The following IL1A variants were observed in gnomAD, a reference collection of about 807,000 sequenced individuals.
IL1A encodes interleukin-1 alpha.
A neutral mutation model predicts 22.2 loss-of-function variants in IL1A; 16 were observed. The ratio of observed to expected loss-of-function variants is 0.72; its 90% confidence interval spans 0.49 to 1.09. The LOEUF (loss-of-function observed/expected upper bound fraction) is 1.09. Among genes scored for constraint, IL1A ranks in the 50% least tolerant of loss-of-function variants. The pLI is 0.00. For missense variants in IL1A, 317 were observed against 321.8 expected (o/e 0.99, Z 0.11); for synonymous variants, 113 against 118.5 (o/e 0.95, Z 0.30).
intron 1 of IL1A, 128 bp from the exon 2 acceptor site, chr2:112,783,906 C>T: frequency 2.5e-6 from 2 of 791,450 alleles, no homozygotes; most frequent in African/African-American, 1.7e-5. Context: ...TCAGCATTTT[C>T]TCCATCTTCT....
In IL1A at chr2:112,781,820, A is replaced by AGAG; in HGVS notation, c.102_103insCTC (p.Ser34_Phe35insLeu). 1 of 1,612,376 alleles carries AGAG rather than the reference A, an allele frequency of 6.2e-7. No homozygotes were observed. Among genetic ancestry groups the AGAG allele is most frequent in the African/African-American group, 1.3e-5 (1 of 75,020 alleles). ...AGTGGGCCATAGCTTACATGATAGA[A>AGAG]GGATTTCTGTGAGGAAGGAAAACAG... On this transcript the variant is annotated inframe_insertion, in exon 4 of 7. Coordinates refer to ENST00000263339, the MANE Select transcript of IL1A (RefSeq NM_000575.5).
At chr2:112,778,193 GGTGTGTGTGTGTGTGTGTGTGT>G (rs3074430) in intron 5 of IL1A, 82 bp from the exon 6 acceptor site, 4 of 662,650 alleles carry the variant, frequency 6.0e-6, no homozygotes, top group African/African-American at 5.9e-5. Context: ...GTGTGTGCAT[GGTGTGTGTGTGTGTGTGTGTGT>G]GTGTGTGTGT....
rs1361292976 is a variant in IL1A at position 112,777,997 on chromosome 2, A to G, written c.605T>C (p.Val202Ala). The change falls in exon 6 of 7, where the codon GTG becomes GCG. Residue 202 changes from valine (V) to alanine (A), a missense_variant. Transcript: ENST00000263339. ...YVTAQDEDQP[V>A]LLKEMPEIPK... ...CAAAGGACAACTGACCTTCAGCAGC[A>G]CTGGTTGGTCTTCATCTTGGGCAGT... 3.7e-6 allele frequency: 6 copies of G among 1,614,078 alleles called. No individual in the cohort carries two copies. In the African/African-American group the frequency reaches 8.0e-5, roughly 22 times the overall value.
In IL1A at chr2:112,783,794, C is replaced by A. The variant is rs747007652; in HGVS notation, c.-8-16G>T. The A allele has an allele frequency of 7.6e-5, 122 of 1,612,598 alleles. No homozygotes were observed. The highest frequency in any genetic ancestry group is 9.8e-5 in the Non-Finnish European group (116 of 1,178,680). ...ATCTTGACTTCTGCAACAGAGAACACCAGCCACCATCAGCTCAGCCAGCCT... is the reference window on the plus strand; with the variant it reads ...ATCTTGACTTCTGCAACAGAGAACAACAGCCACCATCAGCTCAGCCAGCCT... On this transcript the variant is annotated splice_polypyrimidine_tract_variant and intron_variant, in intron 1 of 6. Coordinates refer to ENST00000263339, the MANE Select transcript of IL1A (RefSeq NM_000575.5).
chr2:112,776,492 A>G (rs1573250933), intron 6 of IL1A, among the ~76,000 whole-genome samples: 1 of 80,728 alleles, frequency 1.2e-5, no homozygotes, highest in Non-Finnish European at 2.5e-5. Context: ...ACCCACAACC[A>G]CGACCCGCCC....
rs20540 is a variant in IL1A at position 112,781,647 on chromosome 2, G to A, written c.276C>T (p.Ile92=). The part of the protein sequence containing the change: ...KKRRLSLSQS[I]TDDDLEAIAN... The stretch of plus-strand genomic sequence containing the variant: ...CGATGGCCTCCAGGTCATCATCAGT[G>A]ATGGATTGGCTTAAACTCAACCGTC... Residue 92 remains isoleucine, a synonymous_variant, in exon 4 of 7, where the codon ATC becomes ATT. Transcript: ENST00000263339. 3.4e-3 allele frequency: 5,472 copies of A among 1,614,176 alleles called. 164 individuals carry two copies. In the African/African-American group the frequency reaches 0.065, roughly 19 times the overall value.
chr2:112,778,209 T>C, intron 5 of IL1A, 98 bp from the exon 6 acceptor site: 2 of 876,246 alleles, frequency 2.3e-6, no homozygotes, highest in South Asian at 3.3e-5. Context: ...TGTGTGTGTG[T>C]GTGTGTGTGT....
At chr2:112,775,632 A>G (rs1451599413) in intron 6 of IL1A, among the ~76,000 whole-genome samples, 1 of 152,074 alleles carries the variant, frequency 6.6e-6, no homozygotes, top group Non-Finnish European at 1.5e-5. Flanking sequence ...TGAGCACTAC[A>G]GTGATTCTAA....
chr2:112,783,912 C>A, intron 1 of IL1A, 134 bp from the exon 2 acceptor site: 1 of 758,644 alleles, frequency 1.3e-6, no homozygotes, highest in Admixed American at 1.9e-5. Flanking sequence ...TTTTCTCCAT[C>A]TTCTAGCTCC....
chr2:112,784,166 A>G (rs926796762), intron 1 of IL1A, among the ~76,000 whole-genome samples: 2 of 152,244 alleles, frequency 1.3e-5, no homozygotes, highest in Non-Finnish European at 2.9e-5. Flanking sequence ...TGGATAGTAG[A>G]GATTCCCTCC....
Position 112,778,071 on chromosome 2 carries a change from A to G in IL1A, c.531T>C (p.Asp177=). The part of the protein sequence containing the change: ...DMGAYKSSKD[D]AKITVILRIS... ...TTCTTAGAATCACGGTAATTTTAGC[A>G]TCATCCTTTGATGACTTATAAGCAC... The change falls in exon 6 of 7, where the codon GAT becomes GAC. Residue 177 remains aspartate, a synonymous_variant. Transcript: ENST00000263339. 1 of 1,614,054 alleles carries G rather than the reference A, an allele frequency of 6.2e-7. No individual in the cohort carries two copies. The highest frequency in any genetic ancestry group is 1.1e-5 in the South Asian group (1 of 91,080).
chr2:112,779,390 A>C, intron 5 of IL1A, 106 bp downstream of exon 5: 1 of 913,958 alleles, frequency 1.1e-6, no homozygotes, highest in South Asian at 2.0e-5. Context: ...TGCAACCCAG[A>C]ACTCTGAAGA....
rs1418839873 is a variant in IL1A, at chr2:112,782,769, CAAAAT to C, written c.48-10_48-6del. 5.6e-6 allele frequency: 9 copies of C among 1,599,466 alleles called. No homozygotes were observed. The highest frequency in any genetic ancestry group is 1.3e-5 in the African/African-American group (1 of 74,648). ...GAACTGTCTTCTTCATTTTCACTGT[CAAAAT>C]AAGATGATGAGAATGTAATTGTTGT... On this transcript the variant is annotated splice_region_variant and splice_polypyrimidine_tract_variant and intron_variant, in intron 2 of 6. Coordinates refer to ENST00000263339, the MANE Select transcript of IL1A (RefSeq NM_000575.5).
intron 5 of IL1A, among the ~76,000 whole-genome samples, chr2:112,778,800 A>T (rs922950648): frequency 6.6e-6 from 1 of 152,252 alleles, no homozygotes; most frequent in East Asian, 1.9e-4. Context: ...ATTAAGTAGA[A>T]AAATAGAACA....
chr2:112,783,972 C>G (rs1276575093), intron 1 of IL1A, among the ~76,000 whole-genome samples, 194 bp from the exon 2 acceptor site: 1 of 152,186 alleles, frequency 6.6e-6, no homozygotes, highest in Non-Finnish European at 1.5e-5. Context: ...TCGTAAACTT[C>G]TTTTAGAATG....
Position 112,781,608 on chromosome 2 carries a change from C to G in IL1A, c.315G>C (p.Glu105Asp), listed in dbSNP as rs1226844350. The change falls in exon 4 of 7, where the codon GAG becomes GAC. Residue 105 changes from glutamate to aspartate, a missense_variant. Coordinates refer to ENST00000263339, the MANE Select transcript of IL1A (RefSeq NM_000575.5). ...DDLEAIANDS[E>D]EEIIKPRSAP... ...TTATTGTGCTTGACCCCTTACCTTC[C>G]TCTGAGTCATTGGCGATGGCCTCCA... is the stretch of plus-strand genomic sequence containing the variant. The G allele has an allele frequency of 1.9e-6, 3 of 1,612,512 alleles. No individual in the cohort carries two copies. The highest frequency in any genetic ancestry group is 2.2e-5 in the South Asian group (2 of 91,062).
chr2:112,779,519 G>A lies in IL1A; in HGVS notation c.467C>T (p.Ala156Val). 1 of 1,596,072 alleles carries A rather than the reference G, an allele frequency of 6.3e-7. No individual in the cohort carries two copies. The highest frequency in any genetic ancestry group is 1.1e-5 in the South Asian group (1 of 90,038). Residue 156 changes from alanine (A) to valine (V), a missense_variant, in exon 5 of 7, where the codon GCA (alanine) becomes GTA (valine). By Grantham distance (64) the Ala-to-Val change is moderately conservative (BLOSUM62 0). Coordinates refer to ENST00000263339, the MANE Select transcript of IL1A (RefSeq NM_000575.5). ...ACCTGCTTCATCCAGATTATGTAAT[G>A]CAGCAGCCGTGAGGTACTGATCATT... Reference protein sequence around the residue: ...RANDQYLTAAALHNLDEAVKF... With the variant: ...RANDQYLTAAVLHNLDEAVKF...
At position 112,774,959 on chromosome 2, in the gene IL1A, T is replaced by G; in HGVS notation, c.*108A>C. On this transcript the variant is annotated 3_prime_UTR_variant, in exon 7 of 7. Coordinates refer to ENST00000263339, the MANE Select transcript of IL1A (RefSeq NM_000575.5). ...AAACATTCATTTAGAATTACAAGGC[T>G]CAGTACATGCTCAGCAAATGACTAA... 1.3e-6 allele frequency: 1 copy of G among 780,788 alleles called. No individual in the cohort carries two copies. The highest frequency in any genetic ancestry group is 2.2e-6 in the Non-Finnish European group (1 of 462,756). 48.4% of individuals were successfully genotyped at this position (780,788 alleles called of 1,614,324 possible). A position where few individuals can be genotyped will look rare whatever the true frequency, so the allele number is the denominator to read the frequency against.
In IL1A at chr2:112,781,786, C is replaced by G. The variant is rs145940804; in HGVS notation, c.137G>C (p.Gly46Ala). 850 of 1,613,724 alleles carry G rather than the reference C, an allele frequency of 5.3e-4. 4 individuals are homozygous for G. Among genetic ancestry groups the G allele is most frequent in the Admixed American group, 3.7e-3 (221 of 60,022 alleles). The stretch of plus-strand genomic sequence containing the variant: ...CAGAGACACAGATTGATCCATGCAG[C>G]CTTCATGGAGTGGGCCATAGCTTAC... ...YHVSYGPLHE[G>A]CMDQSVSLSI... The change falls in exon 4 of 7, where the codon GGC becomes GCC. Residue 46 changes from glycine (G) to alanine (A), a missense_variant. Transcript: ENST00000263339.
Sources: gnomAD v4.1 joint callset for allele counts (sites outside exome capture counted in the v4.1 genomes callset) on GRCh38, gnomAD v4.1.1 for gene constraint, MANE v1.5 for transcripts, NCBI Gene and HGNC (gene_info 2026-07-23, HGNC 2026-07-21) for gene names.